The following AHDC1 variants were observed in gnomAD, a reference collection of about 807,000 sequenced individuals.
AHDC1 encodes transcription factor Gibbin.
In AHDC1, 7 loss-of-function variants were observed where a neutral mutation model predicts 87.9. The observed-to-expected ratio is 0.08, with a 90% CI of 0.05 to 0.15. The LOEUF is 0.15. Ranked by LOEUF, AHDC1 falls within the 10% of genes least tolerant of loss-of-function variation. AHDC1 has a pLI of 1.00. For missense variants in AHDC1, 1,841 were observed against 2,253.2 expected (o/e 0.82, Z 3.70); for synonymous variants, 1,051 against 1,006.8 (o/e 1.04, Z -0.83).
In AHDC1 at chr1:27,561,945, G is replaced by C. The variant is rs933664841; in HGVS notation, c.-628-3062C>G. 6.6e-5 allele frequency among the ~76,000 whole-genome samples: 10 copies of C among 152,010 alleles called. No individual in the cohort carries two copies. The highest frequency in any genetic ancestry group is 1.3e-4 in the Non-Finnish European group (9 of 67,980). On this transcript the variant is annotated intron_variant, in intron 3 of 8. Coordinates refer to ENST00000673934, the MANE Select transcript of AHDC1 (RefSeq NM_001371928.1). The surrounding 1 kb of genome is among the most constrained non-coding windows in gnomAD (Gnocchi z 4.2). ...GACCTTGTCAGAGGCTGAGGGGAGG[G>C]GGTAGCTCAGGCCCAGAGTGAGTCT...
chr1:27,549,969 C>A lies in AHDC1; in HGVS notation c.2147G>T (p.Gly716Val). 6.2e-7 allele frequency: 1 copy of A among 1,609,280 alleles called. No individual in the cohort carries two copies. The stretch of plus-strand genomic sequence containing the variant: ...GCGTGGGTGCCCCAACTCAGTAAGG[C>A]CCGGGCCCCCGACCCCAGCGGCTGC... The part of the protein sequence containing the change: ...AVAAAGVGGP[G>V]LTELGHPRKR... Residue 716 changes from glycine (G) to valine (V), a missense_variant, in exon 8 of 9, where the codon GGC becomes GTC. This residue lies in a region of AHDC1 where 236 missense variants were observed against 257.9 expected (regional missense o/e 0.92). Coordinates refer to ENST00000673934, the MANE Select transcript of AHDC1 (RefSeq NM_001371928.1).
rs768327589 is a variant in AHDC1 at position 27,595,258 on chromosome 1, G to A, written c.-629+8139C>T. Among the ~76,000 whole-genome samples, 5 of 152,080 alleles carry A rather than the reference G, an allele frequency of 3.3e-5. No individual in the cohort carries two copies. In the South Asian group the frequency reaches 8.3e-4, roughly 25 times the overall value. On this transcript the variant is annotated intron_variant, in intron 3 of 8. Coordinates refer to ENST00000673934, the MANE Select transcript of AHDC1 (RefSeq NM_001371928.1). The surrounding 1 kb of genome is among the most constrained non-coding windows in gnomAD (Gnocchi z 4.0). ...TTGGAAAGGTATAGGGGATGATACC[G>A]GTGTTTGGGGAAGTGCTGAGCTATA...
chr1:27,581,599 CTCA>C (rs1162823031), intron 3 of AHDC1, among the ~76,000 whole-genome samples: 2 of 152,350 alleles, frequency 1.3e-5, no homozygotes, highest in South Asian at 2.1e-4. Flanking sequence ...CTGATCTGAC[CTCA>C]TCATGTCTCA....
chr1:27,581,454 T>C (rs1318755517), intron 3 of AHDC1, among the ~76,000 whole-genome samples: 1 of 150,060 alleles, frequency 6.7e-6, no homozygotes, highest in East Asian at 1.9e-4. Context: ...AGGCACGCCT[T>C]TAGTTCAATC....
chr1:27,602,760 CG>C (rs2089567804), intron 3 of AHDC1, among the ~76,000 whole-genome samples: 1 of 152,130 alleles, frequency 6.6e-6, no homozygotes, highest in Non-Finnish European at 1.5e-5. Flanking sequence ...GCCAGGTAAC[CG>C]GGCACGCGGC....
intron 5 of AHDC1, among the ~76,000 whole-genome samples, chr1:27,554,006 C>G (rs1413501083): frequency 6.6e-6 from 1 of 152,192 alleles, no homozygotes; most frequent in Non-Finnish European, 1.5e-5. Context: ...TTGAGGCTGG[C>G]TGCTCTGAGC....
At chr1:27,572,777 T>C (rs185823663) in intron 3 of AHDC1, among the ~76,000 whole-genome samples, 98 of 152,354 alleles carry the variant, frequency 6.4e-4, no homozygotes, top group Admixed American at 1.6e-3. Context: ...TGGATGTTTC[T>C]TCCTCCCTCC....
intron 3 of AHDC1, among the ~76,000 whole-genome samples, chr1:27,578,480 T>C (rs556810803): frequency 6.0e-4 from 91 of 151,692 alleles, no homozygotes; most frequent in Middle Eastern, 6.8e-3. Flanking sequence ...TCCCAGCTAC[T>C]TGGGGGGCTG....
Position 27,593,981 on chromosome 1 carries a change from G to A in AHDC1, c.-629+9416C>T, listed in dbSNP as rs942037925. On this transcript the variant is annotated intron_variant, in intron 3 of 8. Coordinates refer to ENST00000673934, the MANE Select transcript of AHDC1 (RefSeq NM_001371928.1). This position sits in a 1 kb window ranked among gnomAD's most constrained non-coding sequence, Gnocchi z 4.9. ...CCCTCAGCAAGAGAGGAGGCACGAG[G>A]GACCTCTAGGAAAGAGAAGGGATTT... 5.9e-5 allele frequency among the ~76,000 whole-genome samples: 9 copies of A among 152,146 alleles called. No homozygotes were observed. Among genetic ancestry groups the A allele is most frequent in the Admixed American group, 5.9e-4 (9 of 15,280 alleles).
chr1:27,597,661 T>C (rs2089414453), intron 3 of AHDC1, among the ~76,000 whole-genome samples: 2 of 151,950 alleles, frequency 1.3e-5, no homozygotes, highest in African/African-American at 4.8e-5. Context: ...GTGGAAGGAA[T>C]GGAGACTTGG....
intron 3 of AHDC1, among the ~76,000 whole-genome samples, chr1:27,564,125 G>A (rs1409768017): frequency 6.6e-6 from 1 of 152,038 alleles, no homozygotes; most frequent in Non-Finnish European, 1.5e-5. Context: ...GGGACAAGGA[G>A]GCCAAAGTCC....
intron 8 of AHDC1, among the ~76,000 whole-genome samples, chr1:27,544,552 C>T (rs897236350): frequency 5.9e-5 from 9 of 152,214 alleles, no homozygotes; most frequent in Non-Finnish European, 1.3e-4. Flanking sequence ...CTGCTCACTG[C>T]TATTGGTGAA....
In AHDC1 at chr1:27,551,488, G is replaced by C; in HGVS notation, c.628C>G (p.Pro210Ala). The change falls in exon 8 of 9, where the codon CCT (proline) becomes GCT (alanine). Residue 210 changes from proline (P) to alanine (A), a missense_variant. Around this residue, in one of 13 missense-constraint regions of AHDC1, gnomAD observed 370 missense variants for 391.5 expected, o/e 0.95. Transcript: ENST00000673934. ...PEPEPRDSPQ[P>A]GQGHSPGATA... The stretch of plus-strand genomic sequence containing the variant: ...GCTCCGGGACTATGGCCTTGGCCAG[G>C]CTGGGGACTGTCCCTAGGCTCAGGC... The C allele has an allele frequency of 6.2e-7, 1 of 1,607,558 alleles. No individual in the cohort carries two copies. Among genetic ancestry groups the C allele is most frequent in the South Asian group, 1.1e-5 (1 of 90,742 alleles).
rs748308045 is a variant in AHDC1, at chr1:27,549,288, G to A, written c.2828C>T (p.Thr943Ile). 8.7e-6 allele frequency: 14 copies of A among 1,603,926 alleles called. No homozygotes were observed. In the African/African-American group the frequency reaches 1.6e-4, roughly 18 times the overall value. ...GGGCGGGGGCACCAGCTTGGGGAAG[G>A]TCTCGGCTGCCCGGCAGTCTGAAGC... ...PAASDCRAAETFPKLVPPPSA... is the reference protein window; with the variant it reads ...PAASDCRAAEIFPKLVPPPSA... Residue 943 changes from threonine (T) to isoleucine (I), a missense_variant, in exon 8 of 9, where the codon ACC becomes ATC. By Grantham distance (89) the Thr-to-Ile change is moderately conservative. This residue lies in a region of AHDC1 where 378 missense variants were observed against 399.0 expected (regional missense o/e 0.95). Transcript: ENST00000673934.
chr1:27,585,864 C>T (rs1362534153), intron 3 of AHDC1, among the ~76,000 whole-genome samples: 1 of 152,188 alleles, frequency 6.6e-6, no homozygotes, highest in Non-Finnish European at 1.5e-5. Context: ...GCTATGTGAC[C>T]CTGGGCAAGT....
chr1:27,542,007 C>G (rs2018945894), intron 8 of AHDC1, among the ~76,000 whole-genome samples: 1 of 152,214 alleles, frequency 6.6e-6, no homozygotes, highest in Non-Finnish European at 1.5e-5. Flanking sequence ...CTCAGTGATA[C>G]CTGCAGCACT....
At chr1:27,594,904 C>T (rs191717136) in intron 3 of AHDC1, among the ~76,000 whole-genome samples, 201 of 152,070 alleles carry the variant, frequency 1.3e-3, no homozygotes, top group Non-Finnish European at 2.1e-3. Context: ...TCTTTGTGTA[C>T]AGGTGTGGTA....
In AHDC1 at chr1:27,550,445, A is replaced by G. The variant is rs146700812; in HGVS notation, c.1671T>C (p.Gly557=). The change falls in exon 8 of 9, where the codon GGT becomes GGC. Residue 557 remains glycine (G), a synonymous_variant. Transcript: ENST00000673934. The part of the protein sequence containing the change: ...RGRPPKNLLL[G]PGKPKEPAVV... ...CAGCTGGCTCCTTGGGCTTGCCGGG[A>G]CCCAGCAGCAGGTTCTTAGGAGGGC... 5.0e-6 allele frequency: 8 copies of G among 1,608,490 alleles called. No homozygotes were observed. In the African/African-American group the frequency reaches 1.1e-4, roughly 21 times the overall value.
At position 27,565,209 on chromosome 1, in the gene AHDC1, C is replaced by T. The variant is rs2020267156; in HGVS notation, c.-628-6326G>A. On this transcript the variant is annotated intron_variant, in intron 3 of 8. Transcript: ENST00000673934. The surrounding 1 kb of genome is among the most constrained non-coding windows in gnomAD (Gnocchi z 4.6). ...CACCCGCCGAGGGGGCCCAGCATGC[C>T]TTGCGTGCAACCTGCCTCCCCCAGG... Among the ~76,000 whole-genome samples, 1 of 152,100 alleles carries T rather than the reference C, an allele frequency of 6.6e-6. No individual in the cohort carries two copies. The highest frequency in any genetic ancestry group is 6.5e-5 in the Admixed American group (1 of 15,276).
Sources: allele counts gnomAD v4.1 joint callset (sites outside exome capture counted in the v4.1 genomes callset), GRCh38; gene constraint gnomAD v4.1.1; regional missense constraint gnomAD v4.1.1; non-coding constraint Gnocchi (gnomAD v3.1); transcripts MANE v1.5; gene names NCBI Gene and HGNC (gene_info 2026-07-23, HGNC 2026-07-21).